Variants in ORC2 observed in about 807,000 individuals in gnomAD.
ORC2 encodes origin recognition complex protein 2 homolog.
A neutral mutation model predicts 77.7 loss-of-function variants in ORC2; 37 were observed. The observed-to-expected ratio is 0.48, with a 90% CI of 0.37 to 0.63. The LOEUF (loss-of-function observed/expected upper bound fraction) is 0.63, where lower values mean the gene tolerates loss of function less well. ORC2 is among the 20% of genes least tolerant of loss of function. The pLI is 0.00. For synonymous variants in ORC2, 201 were observed against 229.5 expected, an observed-to-expected ratio of 0.88 and a Z score of 1.12; for missense variants, 557 against 661.9, an observed-to-expected ratio of 0.84 and a Z score of 1.74.
intron 4 of ORC2, among the ~76,000 whole-genome samples, chr2:200,954,457 T>A (rs938273368): frequency 6.6e-6 from 1 of 152,228 alleles, no homozygotes; most frequent in Non-Finnish European, 1.5e-5. Flanking sequence ...GACAGAGTAA[T>A]GTATATATGA....
Position 200,937,367 on chromosome 2 carries a change from T to A in ORC2, c.514+539A>T, listed in dbSNP as rs141744128. 3.9e-3 allele frequency among the ~76,000 whole-genome samples: 598 copies of A among 152,338 alleles called. 2 individuals carry two copies. The highest frequency in any genetic ancestry group is 6.4e-3 in the Non-Finnish European group (435 of 68,030). On this transcript the variant is annotated intron_variant, in intron 8 of 17. Transcript: ENST00000234296. ...TAAAAATACAGTTTTAACAACTCTA[T>A]GAAATCCATACCTTGAAAAGAAAGG...
chr2:200,937,255 G>C (rs540929785), intron 8 of ORC2, among the ~76,000 whole-genome samples: 1 of 152,298 alleles, frequency 6.6e-6, no homozygotes, highest in South Asian at 2.1e-4. Context: ...ATGGGATATA[G>C]TTGACATGAA....
chr2:200,913,847 C>T (rs563474076), intron 16 of ORC2, 84 bp downstream of exon 16: 1 of 1,487,172 alleles, frequency 6.7e-7, no homozygotes, highest in East Asian at 2.4e-5. Context: ...TGAAAAACTG[C>T]ACTGCTGTCA....
At chr2:200,944,821 T>C (rs2041222829) in intron 5 of ORC2, among the ~76,000 whole-genome samples, 1 of 152,228 alleles carries the variant, frequency 6.6e-6, no homozygotes, top group African/African-American at 2.4e-5. Context: ...ATTACAAGCA[T>C]GAGTCACCAC....
intron 7 of ORC2, among the ~76,000 whole-genome samples, chr2:200,939,451 T>A (rs2041108473): frequency 6.6e-6 from 1 of 152,198 alleles, no homozygotes; most frequent in Non-Finnish European, 1.5e-5. Flanking sequence ...GACAGTTTGC[T>A]CATTTGGGCA....
intron 7 of ORC2, among the ~76,000 whole-genome samples, chr2:200,940,819 C>T (rs529953507): frequency 6.6e-6 from 1 of 150,974 alleles, no homozygotes. Context: ...AACAAACAAA[C>T]AAAGAAAAAA....
At position 200,932,836 on chromosome 2, in the gene ORC2, G is replaced by GA. The variant is rs768494237; in HGVS notation, c.807+1039dup. Among the ~76,000 whole-genome samples the GA allele has an allele frequency of 3.9e-5, 6 of 152,092 alleles. No homozygotes were observed. The East Asian group carries it at 1.2e-3, about 29-fold the overall frequency. On this transcript the variant is annotated intron_variant, in intron 10 of 17. Coordinates refer to ENST00000234296, the MANE Select transcript of ORC2 (RefSeq NM_006190.5). Reference sequence around the variant, plus strand: ...TCAGCTAGCCTGCTGGTCCAACGAGGAAAAGAAACATGGAGCAAATCCTAG... The same window carrying GA: ...TCAGCTAGCCTGCTGGTCCAACGAGGAAAAAGAAACATGGAGCAAATCCTAG...
At chr2:200,940,275 T>C (rs16836077) in intron 7 of ORC2, among the ~76,000 whole-genome samples, 4,454 of 152,284 alleles carry the variant, frequency 0.029, 108 homozygotes, top group Middle Eastern at 0.088. Flanking sequence ...CCTTTCCTTA[T>C]GGTAGGTAAG....
chr2:200,949,763 T>A, intron 4 of ORC2, 120 bp from the exon 5 acceptor site: 1 of 485,882 alleles, frequency 2.1e-6, no homozygotes, highest in South Asian at 3.4e-5. Context: ...TTTAACTATA[T>A]TTATATATAA....
At chr2:200,913,664 T>C in intron 16 of ORC2, 1 of 1,327,456 alleles carries the variant, frequency 7.5e-7, no homozygotes, top group South Asian at 2.1e-5. Flanking sequence ...ATGAAAAATA[T>C]GTACTTGGCA....
intron 7 of ORC2, among the ~76,000 whole-genome samples, chr2:200,940,234 G>A (rs1313028809): frequency 2.0e-5 from 3 of 152,164 alleles, no homozygotes; most frequent in African/African-American, 7.2e-5. Flanking sequence ...AAAGAGGGTT[G>A]CCTTTAATTA....
At chr2:200,931,241 AACTC>A in intron 11 of ORC2, 94 bp downstream of exon 11, 4 of 505,664 alleles carry the variant, frequency 7.9e-6, no homozygotes, top group Non-Finnish European at 1.0e-5. Flanking sequence ...AAATATCTGA[AACTC>A]ACTGTAAAAA....
At chr2:200,917,611 A>T (rs2040679022) in intron 15 of ORC2, among the ~76,000 whole-genome samples, 1 of 152,174 alleles carries the variant, frequency 6.6e-6, no homozygotes, top group Non-Finnish European at 1.5e-5. Context: ...CAAGTGACAA[A>T]ACTGCACAGA....
chr2:200,937,965 T>C lies in ORC2; in HGVS notation c.455A>G (p.Asn152Ser). The change falls in exon 8 of 18, where the codon AAC (asparagine) becomes AGC (serine). Residue 152 changes from asparagine (N) to serine (S), a missense_variant and splice_region_variant. Transcript: ENST00000234296. ...TGACAGAAATTCACTTTTGTCATTGTTCTGTTTAGAAATAGAAAAAGCATT... is the reference window on the plus strand; with the variant it reads ...TGACAGAAATTCACTTTTGTCATTGCTCTGTTTAGAAATAGAAAAAGCATT... ...HSASDKVQPK[N>S]NDKSEFLSTA... 1 of 1,590,742 alleles carries C rather than the reference T, an allele frequency of 6.3e-7. No homozygotes were observed. Among genetic ancestry groups the C allele is most frequent in the Non-Finnish European group, 8.6e-7 (1 of 1,161,354 alleles).
intron 2 of ORC2, among the ~76,000 whole-genome samples, chr2:200,958,375 T>C (rs955369424): frequency 6.6e-6 from 1 of 152,146 alleles, no homozygotes; most frequent in Admixed American, 6.5e-5. Context: ...CCAATCAAGG[T>C]AGCTAAAATA....
In ORC2 at chr2:200,937,894, A is replaced by G; in HGVS notation, c.514+12T>C. On this transcript the variant is annotated intron_variant, in intron 8 of 17. Transcript: ENST00000234296. ...ACTTTTTATAAAAAGTCATGTAAAA[A>G]CAAATACGTACCTATTAATCTTTTT... 1 of 1,554,546 alleles carries G rather than the reference A, an allele frequency of 6.4e-7. No individual in the cohort carries two copies. Among genetic ancestry groups the G allele is most frequent in the Non-Finnish European group, 8.8e-7 (1 of 1,133,488 alleles).
chr2:200,929,230 C>A (rs1431024152), intron 11 of ORC2, among the ~76,000 whole-genome samples: 1 of 152,098 alleles, frequency 6.6e-6, no homozygotes, highest in Admixed American at 6.6e-5. Context: ...GAATTACAGA[C>A]GTGAGCCACC....
chr2:200,933,002 C>T (rs1195295204), intron 10 of ORC2, among the ~76,000 whole-genome samples: 1 of 152,134 alleles, frequency 6.6e-6, no homozygotes, highest in Admixed American at 6.6e-5. Flanking sequence ...TTCTTTCATC[C>T]TCCTAGAGAT....
intron 12 of ORC2, among the ~76,000 whole-genome samples, chr2:200,926,170 A>C (rs1331438446): frequency 6.6e-6 from 1 of 152,198 alleles, no homozygotes; most frequent in Non-Finnish European, 1.5e-5. Flanking sequence ...TAGGTAATAT[A>C]AGAGGGCAGC....
Sources: gnomAD v4.1 joint callset for allele counts (sites outside exome capture counted in the v4.1 genomes callset) on GRCh38, gnomAD v4.1.1 for gene constraint, MANE v1.5 for transcripts, NCBI Gene and HGNC (gene_info 2026-07-23, HGNC 2026-07-21) for gene names.